NDUFS4: variants seen among roughly 807,000 people sequenced by gnomAD.
NDUFS4 encodes the protein NADH:ubiquinone oxidoreductase subunit S4, also known as NADH dehydrogenase [ubiquinone] iron-sulfur protein 4, mitochondrial.
In NDUFS4, 28 loss-of-function variants were observed where a neutral mutation model predicts 24.3. That is an observed-to-expected ratio of 1.15 (90% CI 0.85 to 1.58). The LOEUF is 1.58. Among genes scored for constraint, NDUFS4 ranks in the 40% most tolerant of loss-of-function variants. The pLI, the probability that NDUFS4 is intolerant of heterozygous loss-of-function variation, is 0.00. For missense variants in NDUFS4, 223 were observed against 207.9 expected (o/e 1.07, Z -0.45); for synonymous variants, 93 against 69.7 (o/e 1.34, Z -1.67).
intron 1 of NDUFS4, 129 bp downstream of exon 1, chr5:53,560,889 C>G: frequency 6.5e-7 from 1 of 1,539,596 alleles, no homozygotes; most frequent in Non-Finnish European, 8.7e-7. Flanking sequence ...CGGGAGAAGT[C>G]GGGCGGACTA....
At chr5:53,629,647 C>G (rs556943457) in intron 2 of NDUFS4, among the ~76,000 whole-genome samples, 56 of 152,200 alleles carry the variant, frequency 3.7e-4, no homozygotes, top group Admixed American at 6.5e-4. Context: ...CCTTGTTTGT[C>G]TTTTTCGATC....
intron 2 of NDUFS4, among the ~76,000 whole-genome samples, chr5:53,642,163 G>A (rs897232660): frequency 4.6e-5 from 7 of 152,058 alleles, no homozygotes; most frequent in South Asian, 2.1e-4. Context: ...TGGGGCAACC[G>A]GAAGTAATTA....
intron 1 of NDUFS4, among the ~76,000 whole-genome samples, chr5:53,572,963 T>TA (rs1481627433): frequency 1.1e-5 from 1 of 94,312 alleles, no homozygotes; most frequent in African/African-American, 5.8e-5. Flanking sequence ...TTTTGTTTTT[T>TA]TTTTTTGTTT....
intron 1 of NDUFS4, among the ~76,000 whole-genome samples, chr5:53,599,320 G>A (rs1750237765): frequency 6.6e-6 from 1 of 152,016 alleles, no homozygotes; most frequent in African/African-American, 2.4e-5. Flanking sequence ...GGATAATTCT[G>A]TTTACTTTTT....
chr5:53,606,271 C>T (rs1257143636), intron 2 of NDUFS4, among the ~76,000 whole-genome samples: 1 of 152,212 alleles, frequency 6.6e-6, no homozygotes, highest in South Asian at 2.1e-4. Flanking sequence ...GCTGCACAAG[C>T]ATGGCACCAG....
chr5:53,609,087 C>T (rs899911148), intron 2 of NDUFS4, among the ~76,000 whole-genome samples: 6 of 152,182 alleles, frequency 3.9e-5, no homozygotes, highest in Non-Finnish European at 7.3e-5. Context: ...TTCTTTCAAA[C>T]GCGTGCTAAT....
intron 1 of NDUFS4, among the ~76,000 whole-genome samples, chr5:53,575,462 A>G (rs1749353217): frequency 6.6e-6 from 1 of 150,428 alleles, no homozygotes; most frequent in South Asian, 2.1e-4. Flanking sequence ...CATTTCTTGC[A>G]TCTTAGCACA....
intron 1 of NDUFS4, among the ~76,000 whole-genome samples, chr5:53,572,429 T>C (rs913936725): frequency 6.6e-6 from 1 of 152,206 alleles, no homozygotes; most frequent in African/African-American, 2.4e-5. Flanking sequence ...GGGTAGCATG[T>C]CCTGAACTCT....
At chr5:53,607,796 AAACAGTTTGAATG>A (rs1446084138) in intron 2 of NDUFS4, among the ~76,000 whole-genome samples, 11 of 152,172 alleles carry the variant, frequency 7.2e-5, no homozygotes, top group African/African-American at 2.7e-4. Context: ...CAATCCACCA[AAACAGTTTGAATG>A]CAAGAACAGA....
At chr5:53,614,974 A>G (rs558314919) in intron 2 of NDUFS4, among the ~76,000 whole-genome samples, 2 of 152,088 alleles carry the variant, frequency 1.3e-5, no homozygotes, top group South Asian at 2.1e-4. Flanking sequence ...TTTGAAGTAC[A>G]TAAACTGTAT....
At chr5:53,643,426 T>G (rs1159005065) in intron 2 of NDUFS4, among the ~76,000 whole-genome samples, 1 of 152,080 alleles carries the variant, frequency 6.6e-6, no homozygotes, top group Admixed American at 6.6e-5. Context: ...AATTTTTTTG[T>G]GAAAGTTAGA....
chr5:53,665,587 C>A (rs922029058), intron 4 of NDUFS4, among the ~76,000 whole-genome samples: 3 of 152,348 alleles, frequency 2.0e-5, no homozygotes, highest in African/African-American at 7.2e-5. Flanking sequence ...CCTGTGCTAA[C>A]AATGAGCGAG....
At chr5:53,562,010 CT>C (rs4147746) in intron 1 of NDUFS4, among the ~76,000 whole-genome samples, 68 of 146,078 alleles carry the variant, frequency 4.7e-4, no homozygotes, top group Non-Finnish European at 5.0e-4. Flanking sequence ...TTTTCTTTCT[CT>C]TTTTTTTTTT....
intron 2 of NDUFS4, among the ~76,000 whole-genome samples, chr5:53,633,793 T>G (rs1751475497): frequency 6.6e-6 from 1 of 152,208 alleles, no homozygotes; most frequent in Admixed American, 6.5e-5. Flanking sequence ...GTAAAAAGAT[T>G]GTGTGTGGTG....
chr5:53,626,833 G>T (rs1401890585), intron 2 of NDUFS4, among the ~76,000 whole-genome samples: 1 of 152,088 alleles, frequency 6.6e-6, no homozygotes, highest in Non-Finnish European at 1.5e-5. Context: ...TCTGTAGGTT[G>T]CCTGTTCACT....
At chr5:53,567,486 G>T (rs1388257383) in intron 1 of NDUFS4, among the ~76,000 whole-genome samples, 2 of 151,998 alleles carry the variant, frequency 1.3e-5, no homozygotes, top group African/African-American at 2.4e-5. Context: ...ATTATTTTTG[G>T]TAAGGGACTT....
chr5:53,644,006 A>G (rs955437963), intron 2 of NDUFS4, among the ~76,000 whole-genome samples: 1 of 152,174 alleles, frequency 6.6e-6, no homozygotes, highest in African/African-American at 2.4e-5. Flanking sequence ...AACATTGTGT[A>G]GACACTTTTT....
intron 2 of NDUFS4, among the ~76,000 whole-genome samples, chr5:53,612,183 C>G (rs1009684064): frequency 6.6e-6 from 1 of 152,018 alleles, no homozygotes; most frequent in Non-Finnish European, 1.5e-5. Context: ...GCTGCTATCT[C>G]TCCTTCATTC....
chr5:53,682,532 A>G (rs1215809998), intron 4 of NDUFS4, among the ~76,000 whole-genome samples: 2 of 151,760 alleles, frequency 1.3e-5, no homozygotes, highest in Non-Finnish European at 2.9e-5. Context: ...ATAGATAGCC[A>G]TTGAAATAAA....
Sources: allele counts gnomAD v4.1 joint callset (sites outside exome capture counted in the v4.1 genomes callset), GRCh38; gene constraint gnomAD v4.1.1; transcripts MANE v1.5; gene names NCBI Gene and HGNC (gene_info 2026-07-23, HGNC 2026-07-21).